LRRTM4: variants seen among roughly 807,000 people sequenced by gnomAD.
LRRTM4 encodes leucine rich repeat transmembrane neuronal 4, also known as leucine-rich repeat transmembrane neuronal protein 4.
Under a neutral mutation model 47.6 loss-of-function variants are expected in LRRTM4, and 25 were observed. The ratio of observed to expected loss-of-function variants is 0.53; its 90% CI spans 0.38 to 0.73. The LOEUF (loss-of-function observed/expected upper bound fraction) is 0.73, where lower values mean the gene tolerates loss of function less well. Among genes scored for constraint, LRRTM4 ranks in the 30% least tolerant of loss-of-function variants. The probability of loss-of-function intolerance (pLI) is 0.00; values close to 1 mark genes in which losing one functional copy is unlikely to be tolerated. For synonymous variants in LRRTM4, 311 were observed against 269.5 expected, an observed-to-expected ratio of 1.15 and a Z score of -1.51; for missense variants, 638 against 713.4, an observed-to-expected ratio of 0.89 and a Z score of 1.20.
At chr2:77,020,510 C>G (rs967766057) in intron 3 of LRRTM4, among the ~76,000 whole-genome samples, 2 of 152,128 alleles carry the variant, frequency 1.3e-5, no homozygotes, top group Admixed American at 6.6e-5. Context: ...TCCCTCTAAC[C>G]CTCTACCAAA....
chr2:77,134,285 T>C (rs551688200), intron 3 of LRRTM4, among the ~76,000 whole-genome samples: 1 of 152,276 alleles, frequency 6.6e-6, no homozygotes, highest in South Asian at 2.1e-4. Context: ...CCGTGACTTG[T>C]TAATAACAAG....
intron 3 of LRRTM4, among the ~76,000 whole-genome samples, chr2:77,046,965 G>A (rs1012142987): frequency 6.6e-6 from 1 of 152,106 alleles, no homozygotes; most frequent in Middle Eastern, 3.4e-3. Context: ...TTCTGCATGA[G>A]CATATTCTGC....
intron 3 of LRRTM4, among the ~76,000 whole-genome samples, chr2:77,471,821 A>G (rs1165992345): frequency 6.6e-6 from 1 of 152,118 alleles, no homozygotes; most frequent in Non-Finnish European, 1.5e-5. Context: ...ATTTTTCTCA[A>G]TGATGCTTTT....
intron 3 of LRRTM4, among the ~76,000 whole-genome samples, chr2:76,901,224 C>T (rs1354196106): frequency 6.6e-6 from 1 of 151,978 alleles, no homozygotes; most frequent in African/African-American, 2.4e-5. Context: ...CCTACAGGCC[C>T]CAGTGTGTGT....
intron 3 of LRRTM4, among the ~76,000 whole-genome samples, chr2:77,208,222 C>G (rs550022249): frequency 6.6e-6 from 1 of 152,006 alleles, no homozygotes; most frequent in Non-Finnish European, 1.5e-5. Context: ...GTGGGGAAGA[C>G]AAACAATTGA....
intron 3 of LRRTM4, among the ~76,000 whole-genome samples, chr2:77,157,517 A>C (rs1315897789): frequency 3.9e-5 from 6 of 152,126 alleles, no homozygotes; most frequent in Admixed American, 2.0e-4. Context: ...ATTGCTTATA[A>C]TATTTGATAA....
chr2:76,839,698 G>A (rs1671615659), intron 3 of LRRTM4, among the ~76,000 whole-genome samples: 1 of 152,004 alleles, frequency 6.6e-6, no homozygotes, highest in African/African-American at 2.4e-5. Context: ...TTGAAAGCAT[G>A]TAGTTTTATA....
intron 3 of LRRTM4, among the ~76,000 whole-genome samples, chr2:77,276,915 C>T (rs371466965): frequency 1.3e-5 from 2 of 151,194 alleles, no homozygotes; most frequent in East Asian, 3.9e-4. Flanking sequence ...GGGCAAATTT[C>T]GAGGCCAGGA....
intron 3 of LRRTM4, among the ~76,000 whole-genome samples, chr2:76,831,385 A>T (rs17013234): frequency 0.25 from 38,635 of 151,968 alleles, 5,351 homozygotes; most frequent in East Asian, 0.4. Context: ...GTCTCCATGG[A>T]CATCATATTG....
chr2:76,950,292 A>G (rs1451695676), intron 3 of LRRTM4, among the ~76,000 whole-genome samples: 1 of 151,936 alleles, frequency 6.6e-6, no homozygotes, highest in Non-Finnish European at 1.5e-5. Context: ...ATTTTAGCTC[A>G]CATATCCTGG....
At chr2:76,806,863 T>C (rs1447300183) in intron 3 of LRRTM4, among the ~76,000 whole-genome samples, 3 of 151,928 alleles carry the variant, frequency 2.0e-5, no homozygotes, top group African/African-American at 7.3e-5. Flanking sequence ...AATGTCTTAA[T>C]AGAAAAATGC....
At chr2:77,008,906 T>C (rs188554403) in intron 3 of LRRTM4, 8 of 149,086 alleles carry the variant, frequency 5.4e-5, no homozygotes, top group Non-Finnish European at 7.4e-5. Context: ...TCATACAGTA[T>C]GCTAGGTCTC....
At chr2:76,973,201 C>G (rs566873576) in intron 3 of LRRTM4, among the ~76,000 whole-genome samples, 4 of 152,020 alleles carry the variant, frequency 2.6e-5, no homozygotes, top group African/African-American at 9.6e-5. Context: ...CACTGAATTA[C>G]CATGATTAGA....
chr2:77,088,662 C>G (rs1224868507), intron 3 of LRRTM4, among the ~76,000 whole-genome samples: 2 of 152,158 alleles, frequency 1.3e-5, no homozygotes, highest in South Asian at 2.1e-4. Flanking sequence ...TCTCTTCACA[C>G]GGACGCGCAT....
chr2:77,084,653 G>T lies in LRRTM4; in HGVS notation c.1552-335737C>A, dbSNP rs60313469. On this transcript the variant is annotated intron_variant, in intron 3 of 3. Transcript: ENST00000409884. ...ACTGATTTTGGTCTGCCATTGACTA[G>T]ATGTGTTATATTTTCAAGTTATTTA... Among the ~76,000 whole-genome samples, 897 of 152,234 alleles carry T rather than the reference G, an allele frequency of 5.9e-3. 10 individuals are homozygous for T. Among genetic ancestry groups the T allele is most frequent in the African/African-American group, 0.02 (838 of 41,534 alleles).
chr2:77,325,452 T>C (rs545186222), intron 3 of LRRTM4, among the ~76,000 whole-genome samples: 1 of 152,256 alleles, frequency 6.6e-6, no homozygotes, highest in East Asian at 1.9e-4. Context: ...TATAGGGCTC[T>C]GGATTTCAGA....
chr2:77,390,246 AAAC>A (rs1673447322), intron 3 of LRRTM4, among the ~76,000 whole-genome samples: 1 of 152,194 alleles, frequency 6.6e-6, no homozygotes, highest in Admixed American at 6.6e-5. Context: ...ATTGGAAGAT[AAAC>A]AACATTTAAA....
At chr2:77,472,538 T>C (rs1677231501) in intron 3 of LRRTM4, among the ~76,000 whole-genome samples, 1 of 152,002 alleles carries the variant, frequency 6.6e-6, no homozygotes, top group Non-Finnish European at 1.5e-5. Flanking sequence ...TTCATCATTA[T>C]AGTCCTCCCT....
At chr2:77,082,037 G>C (rs1360903454) in intron 3 of LRRTM4, among the ~76,000 whole-genome samples, 1 of 152,032 alleles carries the variant, frequency 6.6e-6, no homozygotes, top group Non-Finnish European at 1.5e-5. Context: ...TAGTTTAGTA[G>C]CTATATGTTA....
Sources: allele counts gnomAD v4.1 joint callset (sites outside exome capture counted in the v4.1 genomes callset), GRCh38; gene constraint gnomAD v4.1.1; transcripts MANE v1.5; gene names NCBI Gene and HGNC (gene_info 2026-07-23, HGNC 2026-07-21).